Variants in CADM2 observed in about 807,000 individuals in gnomAD.
CADM2 encodes the protein cell adhesion molecule 2, also known as immunoglobulin superfamily member 4D.
Under a neutral mutation model 49.8 loss-of-function variants are expected in CADM2, and 12 were observed. That is an observed-to-expected ratio of 0.24 (90% CI 0.15 to 0.39). CADM2 has a LOEUF of 0.39. Among genes scored for constraint, CADM2 ranks in the 10% least tolerant of loss-of-function variants. The pLI, the probability that CADM2 is intolerant of heterozygous loss-of-function variation, is 1.00. For synonymous variants in CADM2, 214 were observed against 175.4 expected (o/e 1.22, Z -1.74); for missense variants, 378 against 492.3 (o/e 0.77, Z 2.20).
At chr3:86,030,785 A>G (rs1424361022) in intron 8 of CADM2, among the ~76,000 whole-genome samples, 1 of 151,970 alleles carries the variant, frequency 6.6e-6, no homozygotes, top group Non-Finnish European at 1.5e-5. Context: ...TGATAAATAA[A>G]GAAAGGCATA....
chr3:85,157,991 C>T, intron 1 of CADM2, among the ~76,000 whole-genome samples: 1 of 151,986 alleles, frequency 6.6e-6, no homozygotes, highest in Non-Finnish European at 1.5e-5. Flanking sequence ...AACAAATTTA[C>T]AAGAAAAAAA....
chr3:84,992,118 C>T (rs1210835131), intron 1 of CADM2, among the ~76,000 whole-genome samples: 1 of 152,042 alleles, frequency 6.6e-6, no homozygotes, highest in African/African-American at 2.4e-5. Context: ...AGTACAACAC[C>T]AAGAGTGAAA....
intron 2 of CADM2, among the ~76,000 whole-genome samples, chr3:85,755,426 T>C (rs2069065771): frequency 6.6e-6 from 1 of 150,466 alleles, no homozygotes; most frequent in Non-Finnish European, 1.5e-5. Context: ...TGCCACCCTG[T>C]CAGCAAACTG....
chr3:85,447,058 T>C (rs1346512566), intron 1 of CADM2, among the ~76,000 whole-genome samples: 1 of 146,548 alleles, frequency 6.8e-6, no homozygotes, highest in Admixed American at 6.9e-5. Flanking sequence ...AATATATATT[T>C]CACTTTTATA....
intron 6 of CADM2, among the ~76,000 whole-genome samples, chr3:85,922,615 C>T (rs1173582884): frequency 6.6e-6 from 1 of 152,016 alleles, no homozygotes; most frequent in Admixed American, 6.6e-5. Flanking sequence ...ATGAGTCAAG[C>T]TTCAAAATGC....
chr3:85,390,989 A>G, intron 1 of CADM2, among the ~76,000 whole-genome samples: 1 of 152,096 alleles, frequency 6.6e-6, no homozygotes, highest in East Asian at 1.9e-4. Context: ...ATATATTCCT[A>G]GGTGCATCTA....
chr3:85,409,847 A>G (rs560845739), intron 1 of CADM2, among the ~76,000 whole-genome samples: 2 of 152,284 alleles, frequency 1.3e-5, no homozygotes, highest in East Asian at 3.9e-4. Context: ...TTCTACCTGA[A>G]ACAACTATAT....
chr3:85,564,167 TTC>T (rs3086193), intron 1 of CADM2, among the ~76,000 whole-genome samples: 38,492 of 149,232 alleles, frequency 0.26, 5,240 homozygotes, highest in African/African-American at 0.34. Flanking sequence ...GAAAGCATGA[TTC>T]TCTCTCTCTC....
intron 2 of CADM2, among the ~76,000 whole-genome samples, chr3:85,780,267 T>C (rs7622475): frequency 0.14 from 22,005 of 152,176 alleles, 2,014 homozygotes; most frequent in Non-Finnish European, 0.2. Flanking sequence ...ACTACTGACC[T>C]TAAAATAGTG....
chr3:85,411,534 T>C (rs148340964), intron 1 of CADM2, among the ~76,000 whole-genome samples: 3,339 of 152,298 alleles, frequency 0.022, 45 homozygotes, highest in Non-Finnish European at 0.033. Context: ...TGGATTAGTA[T>C]TAAAATATCT....
chr3:85,942,968 C>A (rs1722138736), intron 7 of CADM2, among the ~76,000 whole-genome samples: 2 of 152,090 alleles, frequency 1.3e-5, no homozygotes, highest in South Asian at 2.1e-4. Flanking sequence ...AAAAGTGTTC[C>A]TATTTCTTCA....
At chr3:85,336,136 C>T (rs2107172112) in intron 1 of CADM2, among the ~76,000 whole-genome samples, 1 of 151,488 alleles carries the variant, frequency 6.6e-6, no homozygotes, top group Admixed American at 6.6e-5. Flanking sequence ...TTACTTTAGG[C>T]CATCAACATT....
chr3:85,085,926 G>C (rs2037352197), intron 1 of CADM2, among the ~76,000 whole-genome samples: 1 of 152,042 alleles, frequency 6.6e-6, no homozygotes, highest in Non-Finnish European at 1.5e-5. Flanking sequence ...AGGGCATCAG[G>C]GTGAGCACAG....
intron 1 of CADM2, among the ~76,000 whole-genome samples, chr3:85,112,423 A>G (rs991713277): frequency 6.6e-6 from 1 of 151,036 alleles, no homozygotes; most frequent in Non-Finnish European, 1.5e-5. Flanking sequence ...AGTAAACTTT[A>G]TGATCAAAAT....
At position 85,412,534 on chromosome 3, in the gene CADM2, GTT is replaced by G. The variant is rs11360883; in HGVS notation, c.62-313976_62-313975del. On this transcript the variant is annotated intron_variant, in intron 1 of 9. Transcript: ENST00000383699. ...AGGTATCCTAGGTCCTATGTAATTCGTTTTTTTTTTTTTCTGTATCATGCTTT... is the reference window on the plus strand; with the variant it reads ...AGGTATCCTAGGTCCTATGTAATTCGTTTTTTTTTTTCTGTATCATGCTTT... 2.3e-3 allele frequency among the ~76,000 whole-genome samples: 341 copies of G among 145,538 alleles called. 1 individual carries two copies. The highest frequency in any genetic ancestry group is 6.9e-3 in the African/African-American group (277 of 39,916).
At chr3:85,137,394 G>A (rs2039450000) in intron 1 of CADM2, among the ~76,000 whole-genome samples, 1 of 151,834 alleles carries the variant, frequency 6.6e-6, no homozygotes, top group African/African-American at 2.4e-5. Flanking sequence ...GTGAAAAAAA[G>A]CATAAATACT....
At chr3:85,567,169 A>C (rs1044636270) in intron 1 of CADM2, among the ~76,000 whole-genome samples, 9 of 152,192 alleles carry the variant, frequency 5.9e-5, no homozygotes, top group African/African-American at 1.9e-4. Context: ...GTTTTAAAGC[A>C]CATAAAATCG....
rs564482725 is a variant in CADM2 at position 86,071,989 on chromosome 3, C to T, written c.*5206C>T. ...ATTTTACCAAGTAGTATTATCTGCACGAGACAAATTTAAGTATTTTAAAAA... is the reference window on the plus strand; with the variant it reads ...ATTTTACCAAGTAGTATTATCTGCATGAGACAAATTTAAGTATTTTAAAAA... On this transcript the variant is annotated 3_prime_UTR_variant, in exon 10 of 10. Transcript: ENST00000383699. 60 of 138,322 alleles carry T rather than the reference C, an allele frequency of 4.3e-4. No individual in the cohort carries two copies. The highest frequency in any genetic ancestry group is 3.5e-3 in the Middle Eastern group (1 of 284). The allele number at this position is 138,322 out of a possible 1,614,324, so 8.6% of individuals were successfully genotyped here. A position where few individuals can be genotyped will look rare whatever the true frequency, so the allele number is the denominator to read the frequency against.
At chr3:85,921,591 C>T (rs151109964) in intron 6 of CADM2, among the ~76,000 whole-genome samples, 2 of 152,042 alleles carry the variant, frequency 1.3e-5, no homozygotes, top group East Asian at 3.9e-4. Flanking sequence ...TATAGTTTCC[C>T]CTATTATTAA....
Sources: allele counts gnomAD v4.1 joint callset (sites outside exome capture counted in the v4.1 genomes callset), GRCh38; gene constraint gnomAD v4.1.1; transcripts MANE v1.5; gene names NCBI Gene and HGNC (gene_info 2026-07-23, HGNC 2026-07-21).